THTPA: variants seen among roughly 807,000 people sequenced by gnomAD.
THTPA encodes the protein thiamine-triphosphatase.
A neutral mutation model predicts 16.5 loss-of-function variants in THTPA; 16 were observed. The observed-to-expected ratio is 0.97, with a 90% CI of 0.66 to 1.47. The LOEUF (loss-of-function observed/expected upper bound fraction) is 1.47, where lower values mean the gene tolerates loss of function less well. Ranked by LOEUF, THTPA falls within the 40% of genes most tolerant of loss-of-function variation. The pLI is 0.00. For missense variants in THTPA, 281 were observed against 280.9 expected, an observed-to-expected ratio of 1.00 and a Z score of 0.00; for synonymous variants, 110 against 115.5, an observed-to-expected ratio of 0.95 and a Z score of 0.30.
At chr14:23,521,152 T>C in the THTPA span, 3 of 152,354 alleles carry the variant, frequency 2.0e-5, no homozygotes, top group Admixed American at 1.3e-4. Context: ...AATAAGTTAC[T>C]GCAGTTCCCA....
At chr14:23,540,293 C>A in the THTPA span, among the ~76,000 whole-genome samples, 1 of 152,214 alleles carries the variant, frequency 6.6e-6, no homozygotes, top group Admixed American at 6.5e-5. Flanking sequence ...GCCCAACCTT[C>A]CTAACAGTTT....
chr14:23,533,278 AG>A, the THTPA span: 1 of 1,436,232 alleles, frequency 7.0e-7, no homozygotes, highest in Non-Finnish European at 9.1e-7. This position sits in a 1 kb window ranked among gnomAD's most constrained non-coding sequence, Gnocchi z 4.8. Flanking sequence ...GAAGCACAGA[AG>A]CTTACCGGAT....
At chr14:23,533,277 A>G in the THTPA span, 6 of 1,436,172 alleles carry the variant, frequency 4.2e-6, no homozygotes, top group East Asian at 2.5e-5. This position sits in a 1 kb window ranked among gnomAD's most constrained non-coding sequence, Gnocchi z 4.8. Flanking sequence ...AGAAGCACAG[A>G]AGCTTACCGG....
the THTPA span, among the ~76,000 whole-genome samples, chr14:23,541,094 C>T: frequency 3.3e-5 from 5 of 151,864 alleles, no homozygotes; most frequent in East Asian, 5.8e-4. Context: ...TCAGTAGAGA[C>T]GGGGTTTCAC....
At chr14:23,525,932 G>C in the THTPA span, 1 of 1,476,172 alleles carries the variant, frequency 6.8e-7, no homozygotes, top group Non-Finnish European at 9.0e-7. The surrounding 1 kb of genome is among the most constrained non-coding windows in gnomAD (Gnocchi z 5.9). Flanking sequence ...GAAGAGAGGG[G>C]CTGGGAATCG....
chr14:23,535,546 C>A, the THTPA span, among the ~76,000 whole-genome samples: 1 of 152,048 alleles, frequency 6.6e-6, no homozygotes, highest in African/African-American at 2.4e-5. This position sits in a 1 kb window ranked among gnomAD's most constrained non-coding sequence, Gnocchi z 4.5. Flanking sequence ...CTTAATATGT[C>A]CAACATCAGA....
the THTPA span, chr14:23,523,773 T>A: frequency 6.5e-7 from 1 of 1,535,992 alleles, no homozygotes; most frequent in African/African-American, 1.4e-5. This position sits in a 1 kb window ranked among gnomAD's most constrained non-coding sequence, Gnocchi z 4.1. Context: ...GGAACCCCAG[T>A]CCCACCTCCA....
the THTPA span, chr14:23,531,401 CT>C: frequency 1.5e-6 from 2 of 1,334,102 alleles, no homozygotes; most frequent in Non-Finnish European, 1.9e-6. Flanking sequence ...CCTTGTATCT[CT>C]AACTCCGCAG....
chr14:23,559,287 G>C lies in THTPA; in HGVS notation c.*447G>C, dbSNP rs966623146. ...TGTGGGAAACAGAAGAAAAGTTGAG[G>C]AAATGGTTGGGAATCGCTGTTAGAA... On this transcript the variant is annotated 3_prime_UTR_variant, in exon 2 of 2. Transcript: ENST00000288014. 3 of 215,992 alleles carry C rather than the reference G, an allele frequency of 1.4e-5. No individual in the cohort carries two copies. Among genetic ancestry groups the C allele is most frequent in the African/African-American group, 4.6e-5 (2 of 43,110 alleles). 13.4% of individuals were successfully genotyped at this position (215,992 alleles called of 1,614,324 possible). A position where few individuals can be genotyped will look rare whatever the true frequency, so the allele number is the denominator to read the frequency against.
At chr14:23,524,704 T>G in the THTPA span, 1 of 1,536,260 alleles carries the variant, frequency 6.5e-7, no homozygotes, top group Non-Finnish European at 8.7e-7. This position sits in a 1 kb window ranked among gnomAD's most constrained non-coding sequence, Gnocchi z 5.6. Flanking sequence ...TTGCCTCTGC[T>G]TGGCTCAGCT....
At chr14:23,521,445 G>C in the THTPA span, 7 of 154,234 alleles carry the variant, frequency 4.5e-5, no homozygotes, top group Non-Finnish European at 1.0e-4. Context: ...AGAGAGTGGC[G>C]AAGTTTGTTT....
At chr14:23,553,191 G>A (rs898929183), upstream of THTPA, among the ~76,000 whole-genome samples, 2 of 152,140 alleles carry the variant, frequency 1.3e-5, no homozygotes, top group Non-Finnish European at 2.9e-5. Flanking sequence ...ACAAAACCCT[G>A]AAGTTCACAT....
the THTPA span, among the ~76,000 whole-genome samples, chr14:23,540,901 T>TG: frequency 2.6e-5 from 4 of 152,100 alleles, no homozygotes; most frequent in Non-Finnish European, 5.9e-5. Flanking sequence ...CACCCCTTTT[T>TG]CTTTTTTCTC....
chr14:23,523,372 G>A, the THTPA span: 1 of 1,487,930 alleles, frequency 6.7e-7, no homozygotes, highest in Non-Finnish European at 8.9e-7. This position sits in a 1 kb window ranked among gnomAD's most constrained non-coding sequence, Gnocchi z 4.1. Context: ...CTGGGGCCAA[G>A]TCGTAGCACT....
At chr14:23,517,241 C>T in the THTPA span, among the ~76,000 whole-genome samples, 1 of 152,200 alleles carries the variant, frequency 6.6e-6, no homozygotes, top group East Asian at 1.9e-4. Context: ...GCAATTTTAT[C>T]TTCTTCCCAT....
chr14:23,549,540 C>T, the THTPA span, among the ~76,000 whole-genome samples: 3 of 151,866 alleles, frequency 2.0e-5, no homozygotes, highest in African/African-American at 7.3e-5. Context: ...AACACTGCCT[C>T]ATTAAAAAAA....
At chr14:23,537,960 G>A in the THTPA span, 1 of 152,806 alleles carries the variant, frequency 6.5e-6, no homozygotes, top group East Asian at 1.9e-4. Context: ...GCCGGCCCAA[G>A]TGCTACAGCT....
chr14:23,544,911 C>T, the THTPA span, among the ~76,000 whole-genome samples: 7 of 152,184 alleles, frequency 4.6e-5, no homozygotes, highest in African/African-American at 1.7e-4. Context: ...CTTTCCTGTC[C>T]CCCATTGTTC....
upstream of THTPA, among the ~76,000 whole-genome samples, chr14:23,555,043 A>G (rs919560361): frequency 2.6e-5 from 4 of 152,186 alleles, no homozygotes; most frequent in Non-Finnish European, 5.9e-5. Flanking sequence ...GCTGGAGTGC[A>G]GTGGCGCCAT....
Sources: gnomAD v4.1 joint callset for allele counts (sites outside exome capture counted in the v4.1 genomes callset) on GRCh38, gnomAD v4.1.1 for gene constraint, Gnocchi (gnomAD v3.1) non-coding constraint, MANE v1.5 for transcripts, NCBI Gene and HGNC (gene_info 2026-07-23, HGNC 2026-07-21) for gene names.